The following SP4 variants were observed in gnomAD, a reference collection of about 807,000 sequenced individuals.
SP4 encodes Sp4 transcription factor.
In SP4, 19 loss-of-function variants were observed where a neutral mutation model predicts 72.8. That is an observed-to-expected ratio of 0.26 (90% CI 0.18 to 0.38). The LOEUF is 0.38. Ranked by LOEUF, SP4 falls within the 10% of genes least tolerant of loss-of-function variation. The probability of loss-of-function intolerance (pLI) is 1.00; values close to 1 mark genes in which losing one functional copy is unlikely to be tolerated. For missense variants in SP4, 1,008 were observed against 926.3 expected (o/e 1.09, Z -1.14); for synonymous variants, 395 against 333.1 (o/e 1.19, Z -2.02).
intron 3 of SP4, among the ~76,000 whole-genome samples, chr7:21,466,083 A>C (rs1472691903): frequency 6.6e-6 from 1 of 152,152 alleles, no homozygotes; most frequent in African/African-American, 2.4e-5. Context: ...TTTGACAGTA[A>C]ATCACTGTCC....
intron 5 of SP4, among the ~76,000 whole-genome samples, chr7:21,486,453 T>G (rs1159441652): frequency 1.3e-5 from 2 of 152,136 alleles, no homozygotes; most frequent in African/African-American, 4.8e-5. Flanking sequence ...TTGTCATGTT[T>G]CCTTAGTCTC....
chr7:21,436,099 A>G (rs1050688391), intron 3 of SP4, among the ~76,000 whole-genome samples: 5 of 152,060 alleles, frequency 3.3e-5, no homozygotes, highest in African/African-American at 9.7e-5. Context: ...GAGTTTTGCC[A>G]TGTTGGCCAG....
At chr7:21,501,643 C>T (rs1781864734) in intron 5 of SP4, among the ~76,000 whole-genome samples, 1 of 152,198 alleles carries the variant, frequency 6.6e-6, no homozygotes, top group South Asian at 2.1e-4. Flanking sequence ...ATTTTCCAAA[C>T]CAATCTTCTA....
chr7:21,453,421 A>G (rs1269659077), intron 3 of SP4, among the ~76,000 whole-genome samples: 2 of 152,362 alleles, frequency 1.3e-5, no homozygotes, highest in Non-Finnish European at 2.9e-5. Context: ...GCCAGACACA[A>G]TTGAAAAGGA....
At chr7:21,430,901 T>C in intron 3 of SP4, 58 bp downstream of exon 3, 2 of 1,275,488 alleles carry the variant, frequency 1.6e-6, no homozygotes, top group Non-Finnish European at 1.1e-6. Flanking sequence ...CAATTATTGC[T>C]TTTCTCTCCT....
intron 3 of SP4, among the ~76,000 whole-genome samples, chr7:21,476,004 C>G (rs1784489495): frequency 6.6e-6 from 1 of 152,096 alleles, no homozygotes; most frequent in African/African-American, 2.4e-5. Flanking sequence ...GGCACGGTGG[C>G]TCACACCTGT....
chr7:21,489,388 A>G (rs1583437803), intron 5 of SP4, among the ~76,000 whole-genome samples: 2 of 151,808 alleles, frequency 1.3e-5, no homozygotes, highest in African/African-American at 2.4e-5. Context: ...TGATGTGATC[A>G]TAGCTCACGG....
At position 21,472,366 on chromosome 7, in the gene SP4, T is replaced by A. The variant is rs1465893583; in HGVS notation, c.1679-4713T>A. Among the ~76,000 whole-genome samples, 4 of 151,910 alleles carry A rather than the reference T, an allele frequency of 2.6e-5. No individual in the cohort carries two copies. The East Asian group carries it at 7.8e-4, about 30-fold the overall frequency. On this transcript the variant is annotated intron_variant, in intron 3 of 5. Transcript: ENST00000222584. ...GTGGTGCCATCACGGCTCACTGAAG[T>A]CTTGATCCCCAGGGCTCAAGTGATC...
Position 21,430,887 on chromosome 7 carries a change from A to T in SP4, c.1678+44A>T, listed in dbSNP as rs749992532. On this transcript the variant is annotated intron_variant, in intron 3 of 5. Transcript: ENST00000222584. Reference sequence around the variant, plus strand: ...TTAAGTACCTTTTAAATAGTTTTTCATAACAATTATTGCTTTTCTCTCCTA... The same window carrying T: ...TTAAGTACCTTTTAAATAGTTTTTCTTAACAATTATTGCTTTTCTCTCCTA... The T allele has an allele frequency of 2.9e-6, 4 of 1,390,820 alleles. No homozygotes were observed. The South Asian group carries it at 3.9e-5, about 14-fold the overall frequency. The allele number at this position is 1,390,820 out of a possible 1,614,324, so 86.2% of individuals were successfully genotyped here. A position where few individuals can be genotyped will look rare whatever the true frequency, so the allele number is the denominator to read the frequency against.
intron 3 of SP4, among the ~76,000 whole-genome samples, chr7:21,450,773 G>A (rs541781468): frequency 6.6e-5 from 10 of 152,256 alleles, no homozygotes; most frequent in African/African-American, 1.9e-4. Context: ...GTTAGTGGTC[G>A]TGAATCCATA....
intron 3 of SP4, among the ~76,000 whole-genome samples, chr7:21,432,992 TCAAA>T (rs1327013813): frequency 4.6e-5 from 7 of 152,162 alleles, no homozygotes; most frequent in South Asian, 2.1e-4. Flanking sequence ...AGACCCTCTC[TCAAA>T]CAAACAAACT....
At chr7:21,505,485 C>G (rs979413412) in intron 5 of SP4, among the ~76,000 whole-genome samples, 2 of 152,112 alleles carry the variant, frequency 1.3e-5, no homozygotes, top group African/African-American at 4.8e-5. Flanking sequence ...TGACCAAATA[C>G]GTTTGGGGCT....
At chr7:21,466,302 G>A (rs1483084693) in intron 3 of SP4, among the ~76,000 whole-genome samples, 1 of 152,168 alleles carries the variant, frequency 6.6e-6, no homozygotes, top group Non-Finnish European at 1.5e-5. Context: ...CAAAGTGCTA[G>A]GACTTAAGGA....
chr7:21,478,090 T>A (rs1247631764), intron 4 of SP4, among the ~76,000 whole-genome samples: 1 of 152,214 alleles, frequency 6.6e-6, no homozygotes, highest in Non-Finnish European at 1.5e-5. Context: ...CTTTATAGAT[T>A]TGCCTTTTCT....
At chr7:21,455,081 G>GC (rs1261083679) in intron 3 of SP4, among the ~76,000 whole-genome samples, 1 of 152,192 alleles carries the variant, frequency 6.6e-6, no homozygotes, top group East Asian at 1.9e-4. Flanking sequence ...AGAGCAGAGA[G>GC]CCCCTTCAGC....
At chr7:21,479,986 TTTTGTTTG>T (rs60038164) in intron 4 of SP4, among the ~76,000 whole-genome samples, 12 of 151,072 alleles carry the variant, frequency 7.9e-5, no homozygotes, top group East Asian at 7.8e-4. Context: ...ATAACAGTTT[TTTTGTTTG>T]TTTGTTTGTT....
intron 3 of SP4, among the ~76,000 whole-genome samples, chr7:21,457,102 C>T (rs1409121537): frequency 6.6e-6 from 1 of 152,152 alleles, no homozygotes; most frequent in South Asian, 2.1e-4. Context: ...TATCTGCTCC[C>T]CAGGGAGCCT....
intron 3 of SP4, among the ~76,000 whole-genome samples, chr7:21,461,524 G>C (rs940820646): frequency 6.6e-6 from 1 of 152,166 alleles, no homozygotes; most frequent in Non-Finnish European, 1.5e-5. Flanking sequence ...CGGCCGGCAG[G>C]CCAGCCGCTC....
At chr7:21,472,407 C>G (rs1042073094) in intron 3 of SP4, among the ~76,000 whole-genome samples, 2 of 152,070 alleles carry the variant, frequency 1.3e-5, no homozygotes, top group African/African-American at 4.8e-5. Flanking sequence ...ACCTCAGCAC[C>G]TCATTCTCAT....
Sources: gnomAD v4.1 joint callset for allele counts (sites outside exome capture counted in the v4.1 genomes callset) on GRCh38, gnomAD v4.1.1 for gene constraint, MANE v1.5 for transcripts, NCBI Gene and HGNC (gene_info 2026-07-23, HGNC 2026-07-21) for gene names.